The following AK8 variants were observed in gnomAD, a reference collection of about 807,000 sequenced individuals.
AK8 encodes adenylate kinase 8.
A neutral mutation model predicts 54.6 loss-of-function variants in AK8; 44 were observed. The observed-to-expected ratio is 0.81, with a 90% confidence interval of 0.63 to 1.04. The LOEUF (loss-of-function observed/expected upper bound fraction) is 1.04, where lower values mean the gene tolerates loss of function less well. Ranked by LOEUF, AK8 falls within the 50% of genes least tolerant of loss-of-function variation. AK8 has a pLI of 0.00. For missense variants in AK8, 555 were observed against 613.6 expected, an observed-to-expected ratio of 0.90 and a Z score of 1.01; for synonymous variants, 239 against 245.6, an observed-to-expected ratio of 0.97 and a Z score of 0.25.
intron 4 of AK8, among the ~76,000 whole-genome samples, chr9:132,861,794 G>A (rs982596855): frequency 6.6e-6 from 1 of 152,206 alleles, no homozygotes; most frequent in Admixed American, 6.5e-5. Context: ...GGCACTGTCT[G>A]CAGACAAGGC....
intron 9 of AK8, among the ~76,000 whole-genome samples, chr9:132,820,798 C>T (rs557511041): frequency 6.6e-6 from 1 of 152,306 alleles, no homozygotes; most frequent in African/African-American, 2.4e-5. Context: ...AAGATTAGAA[C>T]CAGGCGAGCG....
Position 132,823,232 on chromosome 9 carries a change from G to C in AK8, c.862C>G (p.Leu288Val). 2 of 1,598,644 alleles carry C rather than the reference G, an allele frequency of 1.3e-6. No individual in the cohort carries two copies. Among genetic ancestry groups the C allele is most frequent in the East Asian group, 2.3e-5 (1 of 44,348 alleles). The change falls in exon 9 of 13, where the codon CTG becomes GTG. Residue 288 changes from leucine to valine, a missense_variant. Coordinates refer to ENST00000298545, the MANE Select transcript of AK8 (RefSeq NM_152572.3). Reference protein sequence around the residue: ...GSGKSLQAALLAQKYRLVNVC... With the variant: ...GSGKSLQAALVAQKYRLVNVC... ...TTGACAAGCCTGTATTTCTGGGCCAGGAGGGCGGCCTGCAGACTTTTCCCA... is the reference window on the plus strand; with the variant it reads ...TTGACAAGCCTGTATTTCTGGGCCACGAGGGCGGCCTGCAGACTTTTCCCA...
chr9:132,766,963 C>T (rs1312752621), intron 11 of AK8, among the ~76,000 whole-genome samples: 1 of 152,178 alleles, frequency 6.6e-6, no homozygotes, highest in African/African-American at 2.4e-5. Flanking sequence ...TATCTCTCCT[C>T]ATAGACAAAA....
intron 5 of AK8, among the ~76,000 whole-genome samples, chr9:132,854,364 C>T (rs1843092677): frequency 6.6e-6 from 1 of 152,238 alleles, no homozygotes. Context: ...CTGCTGTCCT[C>T]CTGAGCCCTC....
In AK8 at chr9:132,803,005, C is replaced by G. The variant is rs1840537054; in HGVS notation, c.980-10230G>C. On this transcript the variant is annotated intron_variant, in intron 10 of 12. Transcript: ENST00000298545. The surrounding 1 kb of genome is among the most constrained non-coding windows in gnomAD (Gnocchi z 4.4). ...TCACAGTTCTGCAAGGCTGGGGAGG[C>G]CTTGGGAAACTTACAATCATGGCAG... Among the ~76,000 whole-genome samples the G allele has an allele frequency of 6.6e-6, 1 of 152,112 alleles. No homozygotes were observed. Among genetic ancestry groups the G allele is most frequent in the Non-Finnish European group, 1.5e-5 (1 of 68,038 alleles).
intron 11 of AK8, among the ~76,000 whole-genome samples, chr9:132,734,806 G>C (rs999265067): frequency 2.0e-5 from 3 of 152,102 alleles, no homozygotes; most frequent in African/African-American, 7.2e-5. Context: ...GAGATGGACG[G>C]ATCACCTGAG....
intron 5 of AK8, among the ~76,000 whole-genome samples, chr9:132,839,844 G>T (rs1335485589): frequency 6.6e-6 from 1 of 150,526 alleles, no homozygotes; most frequent in Non-Finnish European, 1.5e-5. Context: ...CAGGGACGGA[G>T]CCTTGCTCTG....
At chr9:132,859,627 A>C (rs1466074674) in intron 4 of AK8, among the ~76,000 whole-genome samples, 19 of 111,184 alleles carry the variant, frequency 1.7e-4, no homozygotes, top group South Asian at 3.0e-4. Flanking sequence ...CTCCTCCCCT[A>C]CCCTGTCCCC....
rs1336519190 is a variant in AK8 at position 132,803,535 on chromosome 9, T to TC, written c.980-10761_980-10760insG. On this transcript the variant is annotated intron_variant, in intron 10 of 12. Coordinates refer to ENST00000298545, the MANE Select transcript of AK8 (RefSeq NM_152572.3). This position sits in a 1 kb window ranked among gnomAD's most constrained non-coding sequence, Gnocchi z 4.4. Reference sequence around the variant, plus strand: ...ACAACCAGTGACCATAGTAAGTAATTAGTGAATTACAGACACAATTCCCTT... The same window carrying TC: ...ACAACCAGTGACCATAGTAAGTAATTCAGTGAATTACAGACACAATTCCCTT... Among the ~76,000 whole-genome samples, 1 of 152,132 alleles carries TC rather than the reference T, an allele frequency of 6.6e-6. No homozygotes were observed.
At chr9:132,831,450 ACAC>A (rs1842097198) in intron 5 of AK8, among the ~76,000 whole-genome samples, 1 of 152,222 alleles carries the variant, frequency 6.6e-6, no homozygotes, top group Non-Finnish European at 1.5e-5. Flanking sequence ...ACACACACAC[ACAC>A]AATGTAATGC....
chr9:132,810,733 C>T (rs1840964256), intron 10 of AK8, among the ~76,000 whole-genome samples: 1 of 152,128 alleles, frequency 6.6e-6, no homozygotes, highest in African/African-American at 2.4e-5. Flanking sequence ...CCAACATCCT[C>T]ATATGACCTT....
intron 5 of AK8, among the ~76,000 whole-genome samples, chr9:132,835,438 A>G (rs555890678): frequency 5.1e-4 from 77 of 152,350 alleles, no homozygotes; most frequent in African/African-American, 1.8e-3. Flanking sequence ...ATAACCCAGC[A>G]TCCAGGGCCC....
At chr9:132,877,189 T>C (rs970184286) in intron 1 of AK8, among the ~76,000 whole-genome samples, 13 of 152,180 alleles carry the variant, frequency 8.5e-5, no homozygotes, top group Non-Finnish European at 1.8e-4. Flanking sequence ...TGCTGACTTC[T>C]AACCCAGCTA....
chr9:132,743,967 C>T (rs1837517215), intron 11 of AK8, among the ~76,000 whole-genome samples: 1 of 152,196 alleles, frequency 6.6e-6, no homozygotes, highest in African/African-American at 2.4e-5. Flanking sequence ...GCGGAGCCTT[C>T]CTGAAATCTC....
chr9:132,784,699 T>C (rs2131140926), intron 11 of AK8, among the ~76,000 whole-genome samples: 1 of 152,226 alleles, frequency 6.6e-6, no homozygotes, highest in Non-Finnish European at 1.5e-5. Flanking sequence ...CCAGATGTTG[T>C]TTACAAGTAA....
chr9:132,741,835 C>T (rs533112288), intron 11 of AK8, among the ~76,000 whole-genome samples: 1 of 152,288 alleles, frequency 6.6e-6, no homozygotes, highest in South Asian at 2.1e-4. Context: ...CCTAAGCAAG[C>T]ACTGATGGAC....
At chr9:132,789,016 C>T (rs1839833682) in intron 11 of AK8, among the ~76,000 whole-genome samples, 1 of 152,208 alleles carries the variant, frequency 6.6e-6, no homozygotes, top group African/African-American at 2.4e-5. Context: ...CAAATTTGGA[C>T]TGGGTGCGGT....
intron 4 of AK8, among the ~76,000 whole-genome samples, chr9:132,857,377 G>C (rs923215207): frequency 2.6e-5 from 4 of 152,032 alleles, no homozygotes; most frequent in African/African-American, 9.7e-5. Flanking sequence ...CAGGGCCCCC[G>C]GGGTCTGGGG....
intron 10 of AK8, among the ~76,000 whole-genome samples, chr9:132,806,030 TG>T (rs1210995339): frequency 6.6e-6 from 1 of 151,558 alleles, no homozygotes; most frequent in Non-Finnish European, 1.5e-5. Context: ...CCAACACACC[TG>T]GGGGAGGCAA....
Sources: gnomAD v4.1 joint callset for allele counts (sites outside exome capture counted in the v4.1 genomes callset) on GRCh38, gnomAD v4.1.1 for gene constraint, Gnocchi (gnomAD v3.1) non-coding constraint, MANE v1.5 for transcripts, NCBI Gene and HGNC (gene_info 2026-07-23, HGNC 2026-07-21) for gene names.